The following COX19 variants were observed in gnomAD, a reference collection of about 807,000 sequenced individuals.
The protein encoded by COX19 is cytochrome c oxidase assembly factor COX19, also known as cytochrome c oxidase assembly protein COX19.
In COX19, 8 loss-of-function variants were observed where a neutral mutation model predicts 6.8. The observed-to-expected ratio is 1.18, with a 90% confidence interval of 0.69 to 2.12. The LOEUF (loss-of-function observed/expected upper bound fraction) is 2.12. Among genes scored for constraint, COX19 ranks in the 30% most tolerant of loss-of-function variants. The pLI is 0.00. For missense variants in COX19, 131 were observed against 104.6 expected (o/e 1.25, Z -1.10); for synonymous variants, 51 against 38.0 (o/e 1.34, Z -1.26).
In COX19 at chr7:965,668, G is replaced by A. The variant is rs866155890; in HGVS notation, c.*3710C>T. 3.3e-5 allele frequency among the ~76,000 whole-genome samples: 5 copies of A among 152,010 alleles called. No individual in the cohort carries two copies. Among genetic ancestry groups the A allele is most frequent in the Non-Finnish European group, 5.9e-5 (4 of 67,962 alleles). ...ATGGCAACTGAGGGTTTTTTTTTGAGACGGTTCTGTCGCCCAGGCTGGAGT... is the reference window on the plus strand; with the variant it reads ...ATGGCAACTGAGGGTTTTTTTTTGAAACGGTTCTGTCGCCCAGGCTGGAGT... On this transcript the variant is annotated 3_prime_UTR_variant, in exon 3 of 3. Coordinates refer to ENST00000344111, the MANE Select transcript of COX19 (RefSeq NM_001031617.3).
Position 965,613 on chromosome 7 carries a change from T to C in COX19, c.*3765A>G, listed in dbSNP as rs1456494775. Among the ~76,000 whole-genome samples, 1 of 152,202 alleles carries C rather than the reference T, an allele frequency of 6.6e-6. No homozygotes were observed. Among genetic ancestry groups the C allele is most frequent in the Non-Finnish European group, 1.5e-5 (1 of 68,030 alleles). ...GAGGTTTCTCAAGACAGCAGACACC[T>C]GCTTCACACCACACGTCACCACTCA... On this transcript the variant is annotated 3_prime_UTR_variant, in exon 3 of 3. Transcript: ENST00000344111.
chr7:970,567 C>A (rs1238549944), intron 2 of COX19, among the ~76,000 whole-genome samples: 1 of 151,758 alleles, frequency 6.6e-6, no homozygotes, highest in African/African-American at 2.4e-5. Context: ...CCTCAGCCTC[C>A]CAAGTAGCTG....
Position 975,497 on chromosome 7 carries a change from T to G in COX19, c.13A>C (p.Met5Leu). Reference protein sequence around the residue: MSTAMNFGTKSFQPR... With the variant: MSTALNFGTKSFQPR... ...TGGAAGCTCTTGGTCCCGAAATTCA[T>G]GGCGGTCGACATGTTGGCGACTCCG... Residue 5 changes from methionine (M) to leucine (L), a missense_variant, in exon 1 of 3, where the codon ATG becomes CTG. Transcript: ENST00000344111. The G allele has an allele frequency of 2.5e-6, 4 of 1,603,640 alleles. No individual in the cohort carries two copies. Among genetic ancestry groups the G allele is most frequent in the Non-Finnish European group, 3.4e-6 (4 of 1,176,388 alleles).
chr7:972,821 CA>C (rs1847653791), intron 2 of COX19: 1 of 157,582 alleles, frequency 6.3e-6, no homozygotes. Flanking sequence ...TCTGAGAATG[CA>C]AAAGAAAGAA....
In COX19 at chr7:967,422, C is replaced by T. The variant is rs1351288755; in HGVS notation, c.*1956G>A. On this transcript the variant is annotated 3_prime_UTR_variant, in exon 3 of 3. Transcript: ENST00000344111. Reference sequence around the variant, plus strand: ...CCATCTCAGAATACAGCTTCAGAATCGTCCACGCAAAAAACAAATTTACTA... The same window carrying T: ...CCATCTCAGAATACAGCTTCAGAATTGTCCACGCAAAAAACAAATTTACTA... 1.3e-5 allele frequency: 2 copies of T among 152,380 alleles called. No homozygotes were observed. The highest frequency in any genetic ancestry group is 1.9e-4 in the East Asian group (1 of 5,184). 9.4% of individuals were successfully genotyped at this position (152,380 alleles called of 1,614,324 possible). A position where few individuals can be genotyped will look rare whatever the true frequency, so the allele number is the denominator to read the frequency against.
chr7:967,336 T>TA lies in COX19; in HGVS notation c.*2041dup, dbSNP rs1370774989. 1 of 152,262 alleles carries TA rather than the reference T, an allele frequency of 6.6e-6. No individual in the cohort carries two copies. The highest frequency in any genetic ancestry group is 1.9e-4 in the East Asian group (1 of 5,198). The allele number at this position is 152,262 out of a possible 1,614,324, so 9.4% of individuals were successfully genotyped here. ...TCTCTATCCAGTTACCTTTGTACGT[T>TA]AGAAAAGCAGGAGCTCAATACACCT... On this transcript the variant is annotated 3_prime_UTR_variant, in exon 3 of 3. Coordinates refer to ENST00000344111, the MANE Select transcript of COX19 (RefSeq NM_001031617.3).
rs372905943 is a variant in COX19, at chr7:971,306, A to G, written c.195-1850T>C. 1.7e-4 allele frequency among the ~76,000 whole-genome samples: 26 copies of G among 152,362 alleles called. 1 individual carries two copies. Among genetic ancestry groups the G allele is most frequent in the African/African-American group, 6.0e-4 (25 of 41,582 alleles). ...ACATGGTCCAAGTCCTCAAGAGACA[A>G]CTTTAAAAACTCCATTGTGGTCCAT... On this transcript the variant is annotated intron_variant, in intron 2 of 2. Coordinates refer to ENST00000344111, the MANE Select transcript of COX19 (RefSeq NM_001031617.3).
chr7:969,467 AAG>A lies in COX19; in HGVS notation c.195-13_195-12del. The A allele has an allele frequency of 6.3e-7, 1 of 1,579,858 alleles. No individual in the cohort carries two copies. The highest frequency in any genetic ancestry group is 8.7e-7 in the Non-Finnish European group (1 of 1,149,746). On this transcript the variant is annotated splice_polypyrimidine_tract_variant and intron_variant, in intron 2 of 2. Coordinates refer to ENST00000344111, the MANE Select transcript of COX19 (RefSeq NM_001031617.3). ...TGTAGCATCAATTTTCTAAAAGAAA[AAG>A]AGAAAGCTGTCAGGGCGGGAGGTGC...
At chr7:970,826 C>T (rs1421227329) in intron 2 of COX19, among the ~76,000 whole-genome samples, 1 of 152,184 alleles carries the variant, frequency 6.6e-6, no homozygotes, top group Non-Finnish European at 1.5e-5. Flanking sequence ...GATTCTCCTG[C>T]TTGGCCTCCC....
In COX19 at chr7:969,003, A is replaced by T. The variant is rs1161112306; in HGVS notation, c.*375T>A. The T allele has an allele frequency of 5.9e-6, 1 of 170,816 alleles. No individual in the cohort carries two copies. Among genetic ancestry groups the T allele is most frequent in the Non-Finnish European group, 1.2e-5 (1 of 80,838 alleles). 10.6% of individuals were successfully genotyped at this position (170,816 alleles called of 1,614,324 possible). On this transcript the variant is annotated 3_prime_UTR_variant, in exon 3 of 3. Coordinates refer to ENST00000344111, the MANE Select transcript of COX19 (RefSeq NM_001031617.3). Reference sequence around the variant, plus strand: ...GCTAGGGAATGGTAATTTTCTGATGATATCTGTGTTCAGAAGGGACTGAAA... The same window carrying T: ...GCTAGGGAATGGTAATTTTCTGATGTTATCTGTGTTCAGAAGGGACTGAAA...
rs1162806525 is a variant in COX19 at position 967,620 on chromosome 7, T to C, written c.*1758A>G. On this transcript the variant is annotated 3_prime_UTR_variant, in exon 3 of 3. Coordinates refer to ENST00000344111, the MANE Select transcript of COX19 (RefSeq NM_001031617.3). Reference sequence around the variant, plus strand: ...GAGGCCCCGGCCTGGGCCCGGGAGCTCCGTCGGCATGGTCTGTTGTGTTCC... The same window carrying C: ...GAGGCCCCGGCCTGGGCCCGGGAGCCCCGTCGGCATGGTCTGTTGTGTTCC... 6.6e-6 allele frequency: 1 copy of C among 152,240 alleles called. No individual in the cohort carries two copies. 9.4% of individuals were successfully genotyped at this position (152,240 alleles called of 1,614,324 possible).
rs530682947 is a variant in COX19, at chr7:965,299, G to A, written c.*4079C>T. The stretch of plus-strand genomic sequence containing the variant: ...CAAAAAGTTCCAAAAATAGGACAGT[G>A]TGTATACCCAGTTCCCCAAATAACA... On this transcript the variant is annotated 3_prime_UTR_variant, in exon 3 of 3. Transcript: ENST00000344111. Among the ~76,000 whole-genome samples, 7 of 152,274 alleles carry A rather than the reference G, an allele frequency of 4.6e-5. No homozygotes were observed. In the South Asian group the frequency reaches 1.5e-3, roughly 32 times the overall value.
intron 1 of COX19, 118 bp from the exon 2 acceptor site, chr7:973,410 AGTG>A (rs1847662173): frequency 7.7e-6 from 10 of 1,301,576 alleles, no homozygotes; most frequent in Admixed American, 3.3e-5. Context: ...GGCCGGGCGC[AGTG>A]GTTCACACCT....
chr7:972,241 T>G (rs1847646199), intron 2 of COX19, among the ~76,000 whole-genome samples: 1 of 152,122 alleles, frequency 6.6e-6, no homozygotes, highest in African/African-American at 2.4e-5. Flanking sequence ...CTTGGACAAA[T>G]GTGAGCCCTG....
At chr7:974,542 G>A (rs1847677784) in intron 1 of COX19, among the ~76,000 whole-genome samples, 1 of 152,238 alleles carries the variant, frequency 6.6e-6, no homozygotes, top group Non-Finnish European at 1.5e-5. Context: ...AAGGTGCAAT[G>A]TAGGTGATGG....
Position 973,229 on chromosome 7 carries a change from G to A in COX19, c.146C>T (p.Ala49Val), listed in dbSNP as rs182485964. Residue 49 changes from alanine to valine, a missense_variant, in exon 2 of 3, where the codon GCT (alanine) becomes GTT (valine). By Grantham distance (64) the Ala-to-Val change is moderately conservative. Transcript: ENST00000344111. Reference sequence around the variant, plus strand: ...TTCTTTTGATTCCTTTCTGCACAAAGCATTTTCAAAATTATTGTTATGAAG... The same window carrying A: ...TTCTTTTGATTCCTTTCTGCACAAAACATTTTCAAAATTATTGTTATGAAG... The part of the protein sequence containing the change: ...KCLHNNNFEN[A>V]LCRKESKEYL... 4 of 1,605,958 alleles carry A rather than the reference G, an allele frequency of 2.5e-6. No individual in the cohort carries two copies. The South Asian group carries it at 3.4e-5, about 13-fold the overall frequency.
intron 1 of COX19, 63 bp from the exon 2 acceptor site, chr7:973,355 G>A (rs2128117484): frequency 6.7e-7 from 1 of 1,489,690 alleles, no homozygotes; most frequent in East Asian, 2.4e-5. Context: ...CCACACAACA[G>A]CCTTAAGAGC....
In COX19 at chr7:970,905, G is replaced by T. The variant is rs534086781; in HGVS notation, c.195-1449C>A. On this transcript the variant is annotated intron_variant, in intron 2 of 2. Transcript: ENST00000344111. ...ATAATTCCCAGCTGTTTATCGCAGT[G>T]CAGCCATCTTAGAGGCGTGAAATTC... Among the ~76,000 whole-genome samples the T allele has an allele frequency of 2.4e-4, 37 of 152,302 alleles. No homozygotes were observed. The South Asian group carries it at 7.5e-3, about 31-fold the overall frequency.
At position 975,545 on chromosome 7, in the gene COX19, C is replaced by G. The variant is rs1245515960; in HGVS notation, c.-36G>C. The G allele has an allele frequency of 6.4e-7, 1 of 1,568,140 alleles. No homozygotes were observed. On this transcript the variant is annotated 5_prime_UTR_variant, in exon 1 of 3. Coordinates refer to ENST00000344111, the MANE Select transcript of COX19 (RefSeq NM_001031617.3). ...CCGGAGTCTGCGAGCGCCTTGCGAG[C>G]GTACGCAGGGCGGCCGGCGGAGCGC...
Sources: gnomAD v4.1 joint callset for allele counts (sites outside exome capture counted in the v4.1 genomes callset) on GRCh38, gnomAD v4.1.1 for gene constraint, MANE v1.5 for transcripts, NCBI Gene and HGNC (gene_info 2026-07-23, HGNC 2026-07-21) for gene names.